The following BICC1 variants were observed in gnomAD, a reference collection of about 807,000 sequenced individuals.
The protein encoded by BICC1 is BicC family RNA binding protein 1.
A neutral mutation model predicts 111.0 loss-of-function variants in BICC1; 43 were observed. The observed-to-expected ratio is 0.39, with a 90% confidence interval of 0.30 to 0.50. BICC1 has a LOEUF of 0.50. Among genes scored for constraint, BICC1 ranks in the 20% least tolerant of loss-of-function variants. The probability of loss-of-function intolerance (pLI) is 0.88; values close to 1 mark genes in which losing one functional copy is unlikely to be tolerated. For synonymous variants in BICC1, 467 were observed against 434.4 expected, an observed-to-expected ratio of 1.07 and a Z score of -0.93; for missense variants, 1,091 against 1,203.2, an observed-to-expected ratio of 0.91 and a Z score of 1.38.
chr10:58,825,127 A>AT (rs948123511), intron 20 of BICC1, among the ~76,000 whole-genome samples: 1 of 152,128 alleles, frequency 6.6e-6, no homozygotes, highest in South Asian at 2.1e-4. Flanking sequence ...AGCTGATATG[A>AT]TTTTTTTACT....
In BICC1 at chr10:58,772,759, G is replaced by C. The variant is rs548433210; in HGVS notation, c.308-12242G>C. Among the ~76,000 whole-genome samples, 3 of 152,094 alleles carry C rather than the reference G, an allele frequency of 2.0e-5. No individual in the cohort carries two copies. The South Asian group carries it at 6.2e-4, about 32-fold the overall frequency. On this transcript the variant is annotated intron_variant, in intron 3 of 20. Transcript: ENST00000373886. ...CAATAGACATCCCCACCCCTCAGTT[G>C]GAAGCAAATTCAGTGGTTACAGAAA...
intron 2 of BICC1, among the ~76,000 whole-genome samples, chr10:58,654,193 AC>A (rs1838550710): frequency 8.0e-6 from 1 of 125,608 alleles, no homozygotes. Flanking sequence ...TTGGGTATAT[AC>A]CCAGTAATGG....
chr10:58,559,044 G>A (rs1843534973), intron 1 of BICC1, among the ~76,000 whole-genome samples: 1 of 151,950 alleles, frequency 6.6e-6, no homozygotes, highest in Non-Finnish European at 1.5e-5. Flanking sequence ...ATAGCACTTA[G>A]GATTGCCTTT....
chr10:58,795,125 AAAAATCC>A (rs1843311159), intron 9 of BICC1, among the ~76,000 whole-genome samples: 2 of 152,222 alleles, frequency 1.3e-5, no homozygotes, highest in South Asian at 4.1e-4. Context: ...TTTATTTAAC[AAAAATCC>A]GAAATAAGAA....
In BICC1 at chr10:58,767,535, C is replaced by G. The variant is rs1365902928; in HGVS notation, c.308-17466C>G. Among the ~76,000 whole-genome samples the G allele has an allele frequency of 1.1e-4, 16 of 152,138 alleles. No homozygotes were observed. In the East Asian group the frequency reaches 2.9e-3, roughly 28 times the overall value. ...TCACAGAACACACACACGCAGAAACCCGACACCAGCAAAAGAACACAATAA... is the reference window on the plus strand; with the variant it reads ...TCACAGAACACACACACGCAGAAACGCGACACCAGCAAAAGAACACAATAA... On this transcript the variant is annotated intron_variant, in intron 3 of 20. Coordinates refer to ENST00000373886, the MANE Select transcript of BICC1 (RefSeq NM_001080512.3).
chr10:58,824,363 C>G (rs1844335669), intron 20 of BICC1, among the ~76,000 whole-genome samples: 1 of 152,186 alleles, frequency 6.6e-6, no homozygotes, highest in Admixed American at 6.5e-5. Context: ...AAGTGCTTGT[C>G]ATACAATAAG....
At chr10:58,584,452 G>A (rs959550258) in intron 1 of BICC1, among the ~76,000 whole-genome samples, 9 of 152,114 alleles carry the variant, frequency 5.9e-5, no homozygotes, top group Non-Finnish European at 2.9e-5. Context: ...AATATCTGGT[G>A]CGCTCCTCTG....
chr10:58,746,540 T>C (rs1341400202), intron 3 of BICC1, among the ~76,000 whole-genome samples: 1 of 152,122 alleles, frequency 6.6e-6, no homozygotes, highest in Non-Finnish European at 1.5e-5. Context: ...AGGAGGTGAG[T>C]TCTCAGTTTC....
intron 2 of BICC1, among the ~76,000 whole-genome samples, chr10:58,657,365 G>T (rs1046698158): frequency 6.6e-6 from 1 of 152,132 alleles, no homozygotes; most frequent in Non-Finnish European, 1.5e-5. Context: ...TAAAGGTAAG[G>T]ATTGCTGTTT....
chr10:58,679,225 A>T (rs1356553739), intron 2 of BICC1, among the ~76,000 whole-genome samples: 1 of 152,000 alleles, frequency 6.6e-6, no homozygotes, highest in Admixed American at 6.6e-5. Context: ...AAAAACCCTT[A>T]AAAAAATCAG....
At chr10:58,685,761 T>C (rs992907854) in intron 2 of BICC1, among the ~76,000 whole-genome samples, 1 of 152,222 alleles carries the variant, frequency 6.6e-6, no homozygotes. Flanking sequence ...TATGTGTGTC[T>C]CTGCACATGA....
At chr10:58,813,710 T>C in intron 17 of BICC1, 120 bp from the exon 18 acceptor site, 1 of 1,022,356 alleles carries the variant, frequency 9.8e-7, no homozygotes, top group Admixed American at 2.2e-5. Flanking sequence ...CACTCATGAG[T>C]AACTGCGGTG....
chr10:58,538,872 A>G (rs1842890192), intron 1 of BICC1, among the ~76,000 whole-genome samples: 1 of 151,764 alleles, frequency 6.6e-6, no homozygotes, highest in African/African-American at 2.4e-5. Context: ...GTTAAAACGC[A>G]ACAAGATACT....
rs557806693 is a variant in BICC1 at position 58,689,249 on chromosome 10, T to G, written c.238-12825T>G. Among the ~76,000 whole-genome samples, 8 of 152,234 alleles carry G rather than the reference T, an allele frequency of 5.3e-5. No individual in the cohort carries two copies. In the South Asian group the frequency reaches 1.7e-3, roughly 32 times the overall value. ...TACCTGTGCCTTTGTTCACATGTGGTAAGAGAAAGAGAGAACTTAGTAATT... is the reference window on the plus strand; with the variant it reads ...TACCTGTGCCTTTGTTCACATGTGGGAAGAGAAAGAGAGAACTTAGTAATT... On this transcript the variant is annotated intron_variant, in intron 2 of 20. Coordinates refer to ENST00000373886, the MANE Select transcript of BICC1 (RefSeq NM_001080512.3).
chr10:58,739,762 TG>T (rs1841595895), intron 3 of BICC1, among the ~76,000 whole-genome samples: 1 of 152,092 alleles, frequency 6.6e-6, no homozygotes, highest in South Asian at 2.1e-4. Flanking sequence ...TCTAGAAAAT[TG>T]GTAGTTTTTC....
chr10:58,599,901 T>C lies in BICC1; in HGVS notation c.191-20954T>C, dbSNP rs1021517296. ...CCTGCTCTGACTAACATGATTTTAA[T>C]TGTCTTTCACAAAATCTAACTAAAG... On this transcript the variant is annotated intron_variant, in intron 1 of 20. Coordinates refer to ENST00000373886, the MANE Select transcript of BICC1 (RefSeq NM_001080512.3). 4.7e-5 allele frequency among the ~76,000 whole-genome samples: 7 copies of C among 150,210 alleles called. No homozygotes were observed. The East Asian group carries it at 1.4e-3, about 30-fold the overall frequency.
chr10:58,534,654 A>G (rs1842781083), intron 1 of BICC1, among the ~76,000 whole-genome samples: 1 of 151,730 alleles, frequency 6.6e-6, no homozygotes, highest in Admixed American at 6.6e-5. Context: ...AGAAGGAACC[A>G]GAAAAATAAT....
chr10:58,760,727 T>G (rs1842290210), intron 3 of BICC1, among the ~76,000 whole-genome samples: 1 of 152,134 alleles, frequency 6.6e-6, no homozygotes, highest in Non-Finnish European at 1.5e-5. Context: ...AATCATAGAT[T>G]TATATGGAAT....
intron 20 of BICC1, chr10:58,823,277 T>G (rs2132982485): frequency 1.0e-6 from 1 of 985,306 alleles, no homozygotes; most frequent in Middle Eastern, 5.2e-4. Flanking sequence ...GCCAGGATTG[T>G]GTGAACCTTG....
Sources: gnomAD v4.1 joint callset for allele counts (sites outside exome capture counted in the v4.1 genomes callset) on GRCh38, gnomAD v4.1.1 for gene constraint, MANE v1.5 for transcripts, NCBI Gene and HGNC (gene_info 2026-07-23, HGNC 2026-07-21) for gene names.